The following DSCAM variants were observed in gnomAD, a reference collection of about 807,000 sequenced individuals.
DSCAM encodes the protein DS cell adhesion molecule, also known as cell adhesion molecule DSCAM.
A neutral mutation model predicts 217.7 loss-of-function variants in DSCAM; 47 were observed. That is an observed-to-expected ratio of 0.22 (90% CI 0.17 to 0.28). DSCAM has a LOEUF of 0.28. Among genes scored for constraint, DSCAM ranks in the 10% least tolerant of loss-of-function variants. DSCAM has a pLI of 1.00. For missense variants in DSCAM, 2,080 were observed against 2,618.3 expected (o/e 0.79, Z 4.49); for synonymous variants, 1,056 against 1,015.3 (o/e 1.04, Z -0.76).
At chr21:40,451,293 T>C (rs1437421477) in intron 3 of DSCAM, among the ~76,000 whole-genome samples, 2 of 152,240 alleles carry the variant, frequency 1.3e-5, no homozygotes, top group South Asian at 2.1e-4. Context: ...CTTACTATTA[T>C]GGCCCAGCTC....
intron 16 of DSCAM, among the ~76,000 whole-genome samples, chr21:40,145,058 C>T (rs1267053782): frequency 6.6e-6 from 1 of 152,164 alleles, no homozygotes; most frequent in African/African-American, 2.4e-5. Context: ...CTCATTCTGT[C>T]CTTCATGATG....
intron 16 of DSCAM, among the ~76,000 whole-genome samples, chr21:40,160,185 T>A (rs1331353600): frequency 6.6e-6 from 1 of 152,172 alleles, no homozygotes; most frequent in Non-Finnish European, 1.5e-5. Context: ...CTTTCTTGGT[T>A]ATGACATAAT....
chr21:40,328,187 A>G (rs8132043), intron 8 of DSCAM, among the ~76,000 whole-genome samples: 95,144 of 151,876 alleles, frequency 0.63, 30,594 homozygotes, highest in African/African-American at 0.76. Context: ...AATAGCCAAA[A>G]CAATCTTGAG....
intron 11 of DSCAM, among the ~76,000 whole-genome samples, chr21:40,195,812 T>A (rs1348319782): frequency 2.0e-5 from 3 of 152,162 alleles, no homozygotes; most frequent in Non-Finnish European, 4.4e-5. Flanking sequence ...TTTAAAGCTA[T>A]TTTTTCAAGT....
intron 1 of DSCAM, among the ~76,000 whole-genome samples, chr21:40,710,269 T>C (rs2146486604): frequency 6.9e-6 from 1 of 145,298 alleles, no homozygotes; most frequent in South Asian, 2.1e-4. Context: ...AAATCAACAA[T>C]ACACTTTTAT....
chr21:40,092,745 C>T (rs1309954674), intron 21 of DSCAM, among the ~76,000 whole-genome samples: 1 of 152,146 alleles, frequency 6.6e-6, no homozygotes, highest in Non-Finnish European at 1.5e-5. Flanking sequence ...ATCATTTTCT[C>T]ATTCTCAGGG....
At chr21:40,339,028 A>G in intron 7 of DSCAM, 91 bp downstream of exon 7, 1 of 1,501,496 alleles carries the variant, frequency 6.7e-7, no homozygotes, top group Non-Finnish European at 9.0e-7. Context: ...CCGCTCTGGC[A>G]TTCCAAGACC....
chr21:40,472,701 G>T (rs2075898883), intron 3 of DSCAM, among the ~76,000 whole-genome samples: 1 of 152,078 alleles, frequency 6.6e-6, no homozygotes, highest in Non-Finnish European at 1.5e-5. Flanking sequence ...TGGAGGAGTG[G>T]TTTTTTTAAA....
intron 3 of DSCAM, among the ~76,000 whole-genome samples, chr21:40,677,014 A>T (rs2090347519): frequency 1.3e-5 from 2 of 152,158 alleles, no homozygotes; most frequent in African/African-American, 4.8e-5. Flanking sequence ...TTTCAATTCA[A>T]ACAGATAACA....
intron 3 of DSCAM, among the ~76,000 whole-genome samples, chr21:40,690,175 T>A (rs1024348089): frequency 6.6e-6 from 1 of 152,212 alleles, no homozygotes; most frequent in African/African-American, 2.4e-5. Flanking sequence ...TCACCTCCAG[T>A]GACTTCATGA....
intron 14 of DSCAM, 90 bp from the exon 15 acceptor site, chr21:40,179,184 C>CAAAAGAAAAAAAAAAAAAAAAAAAAAAA (rs2090770177): frequency 1.0e-5 from 1 of 100,434 alleles, no homozygotes. Context: ...AATTAAAAAC[C>CAAAAGAAAAAAAAAAAAAAAAAAAAAAA]AAAAAAAAAA....
rs142445247 is a variant in DSCAM, at chr21:40,569,256, C to T, written c.508+123554G>A. 6.9e-3 allele frequency among the ~76,000 whole-genome samples: 1,050 copies of T among 152,290 alleles called. 6 individuals are homozygous for T. The highest frequency in any genetic ancestry group is 9.0e-3 in the Non-Finnish European group (614 of 68,024). On this transcript the variant is annotated intron_variant, in intron 3 of 32. Transcript: ENST00000400454. ...CCACACTGTGGAATAGACCCTTACT[C>T]TTGTGATAAACAGTTTTATGTATCA...
intron 9 of DSCAM, 65 bp from the exon 10 acceptor site, chr21:40,296,239 T>A: frequency 1.3e-6 from 2 of 1,536,094 alleles, no homozygotes; most frequent in Non-Finnish European, 1.8e-6. Context: ...GGTATGATTC[T>A]AAGAAACTGA....
At chr21:40,324,691 G>T (rs922285739) in intron 8 of DSCAM, among the ~76,000 whole-genome samples, 21 of 152,298 alleles carry the variant, frequency 1.4e-4, no homozygotes, top group Admixed American at 5.2e-4. Flanking sequence ...CAGGATGACA[G>T]GTTATGTTTC....
chr21:40,367,109 A>G (rs8132551), intron 4 of DSCAM, among the ~76,000 whole-genome samples: 1,692 of 152,194 alleles, frequency 0.011, 29 homozygotes, highest in African/African-American at 0.038. Context: ...GCCTGTGCAA[A>G]CATTACCAGC....
intron 3 of DSCAM, among the ~76,000 whole-genome samples, chr21:40,582,182 T>G (rs1469201703): frequency 6.6e-6 from 1 of 152,230 alleles, no homozygotes; most frequent in Non-Finnish European, 1.5e-5. Flanking sequence ...GTAACATCCA[T>G]AAATCAGTTC....
At chr21:40,657,065 T>A (rs530655461) in intron 3 of DSCAM, among the ~76,000 whole-genome samples, 1 of 152,348 alleles carries the variant, frequency 6.6e-6, no homozygotes, top group Admixed American at 6.5e-5. Context: ...TGTTAAAGTA[T>A]TTCAGATTCC....
chr21:40,186,754 C>T lies in DSCAM; in HGVS notation c.2779+377G>A, dbSNP rs1386017964. Among the ~76,000 whole-genome samples the T allele has an allele frequency of 2.0e-5, 3 of 152,290 alleles. No individual in the cohort carries two copies. In the East Asian group the frequency reaches 5.8e-4, roughly 29 times the overall value. On this transcript the variant is annotated intron_variant, in intron 14 of 32. Coordinates refer to ENST00000400454, the MANE Select transcript of DSCAM (RefSeq NM_001389.5). ...TCTGGGTGCAGGACATGGGCTCAGG[C>T]TCTACAAAAGTCACCCAGCTCGGGA...
chr21:40,589,041 G>A (rs866934535), intron 3 of DSCAM, among the ~76,000 whole-genome samples: 8 of 152,198 alleles, frequency 5.3e-5, no homozygotes, highest in East Asian at 1.9e-4. Flanking sequence ...AATCCCAGCC[G>A]TGCTACCATA....
Sources: allele counts gnomAD v4.1 joint callset (sites outside exome capture counted in the v4.1 genomes callset), GRCh38; gene constraint gnomAD v4.1.1; transcripts MANE v1.5; gene names NCBI Gene and HGNC (gene_info 2026-07-23, HGNC 2026-07-21).